HPSE2: variants seen among roughly 807,000 people sequenced by gnomAD.
The protein encoded by HPSE2 is inactive heparanase-2.
A neutral mutation model predicts 60.5 loss-of-function variants in HPSE2; 38 were observed. The ratio of observed to expected loss-of-function variants is 0.63; its 90% CI spans 0.48 to 0.82. HPSE2 has a LOEUF of 0.82. Ranked by LOEUF, HPSE2 falls within the 40% of genes least tolerant of loss-of-function variation. The pLI is 0.00. For missense variants in HPSE2, 713 were observed against 740.4 expected, an observed-to-expected ratio of 0.96 and a Z score of 0.43; for synonymous variants, 295 against 293.2, an observed-to-expected ratio of 1.01 and a Z score of -0.06.
chr10:98,459,500 C>G lies in HPSE2; in HGVS notation c.*74G>C. On this transcript the variant is annotated 3_prime_UTR_variant, in exon 12 of 12. Coordinates refer to ENST00000370552, the MANE Select transcript of HPSE2 (RefSeq NM_021828.5). ...GGCTGGTTGCTAGGATGTCTGAAAA[C>G]AGAGGATACTACTGGAGTGGAGGAG... 4 of 1,505,466 alleles carry G rather than the reference C, an allele frequency of 2.7e-6. No individual in the cohort carries two copies. The highest frequency in any genetic ancestry group is 3.7e-6 in the Non-Finnish European group (4 of 1,081,990). The allele number at this position is 1,505,466 out of a possible 1,614,324, so 93.3% of individuals were successfully genotyped here.
At chr10:99,136,841 A>C (rs11511386) in intron 3 of HPSE2, among the ~76,000 whole-genome samples, 1 of 151,984 alleles carries the variant, frequency 6.6e-6, no homozygotes, top group Non-Finnish European at 1.5e-5. Flanking sequence ...AAGACAAGGA[A>C]GCCCTCTCTA....
chr10:98,827,764 C>A (rs1273615169), intron 3 of HPSE2, among the ~76,000 whole-genome samples: 1 of 152,110 alleles, frequency 6.6e-6, no homozygotes, highest in Non-Finnish European at 1.5e-5. Context: ...GGTGGTGTCA[C>A]CAAGGCACAT....
chr10:99,047,532 C>A (rs562831837), intron 3 of HPSE2: 45 of 478,200 alleles, frequency 9.4e-5, no homozygotes, highest in Non-Finnish European at 1.5e-4. Context: ...AAAGAGACAA[C>A]CTACACGATA....
At chr10:99,098,933 AC>A (rs1325480998) in intron 3 of HPSE2, among the ~76,000 whole-genome samples, 1 of 152,248 alleles carries the variant, frequency 6.6e-6, no homozygotes, top group Admixed American at 6.5e-5. Flanking sequence ...AACAATGTTA[AC>A]ATTAAATATG....
the HPSE2 span, among the ~76,000 whole-genome samples, chr10:99,269,862 C>G: frequency 6.6e-6 from 1 of 152,146 alleles, no homozygotes; most frequent in Non-Finnish European, 1.5e-5. Context: ...AATTAAATAA[C>G]CTGCTCCTAA....
intron 3 of HPSE2, among the ~76,000 whole-genome samples, chr10:98,978,303 T>C (rs943123076): frequency 6.6e-6 from 1 of 152,172 alleles, no homozygotes; most frequent in African/African-American, 2.4e-5. Context: ...AAAAAATCCC[T>C]GTTATTTATT....
chr10:98,995,467 T>C (rs182710043), intron 3 of HPSE2, among the ~76,000 whole-genome samples: 62 of 152,310 alleles, frequency 4.1e-4, no homozygotes, highest in African/African-American at 1.4e-3. Context: ...AGGTTTGTTT[T>C]TTCAGTGTCC....
chr10:99,132,657 C>A (rs1447849234), intron 3 of HPSE2, among the ~76,000 whole-genome samples: 2 of 152,010 alleles, frequency 1.3e-5, no homozygotes, highest in Non-Finnish European at 1.5e-5. Flanking sequence ...AATTTTCTCC[C>A]CCACCCAAGG....
At chr10:98,636,585 A>G (rs578017737) in intron 7 of HPSE2, among the ~76,000 whole-genome samples, 105 of 152,306 alleles carry the variant, frequency 6.9e-4, no homozygotes, top group African/African-American at 2.2e-3. Context: ...ACGTATTGCA[A>G]TATCATTCTG....
At chr10:99,182,335 CA>C (rs1389702248) in intron 2 of HPSE2, among the ~76,000 whole-genome samples, 1 of 152,040 alleles carries the variant, frequency 6.6e-6, no homozygotes, top group Non-Finnish European at 1.5e-5. Context: ...AAACTGGGCC[CA>C]AAAAAGTCAA....
At chr10:98,548,239 A>G (rs1344940849) in intron 9 of HPSE2, among the ~76,000 whole-genome samples, 1 of 152,150 alleles carries the variant, frequency 6.6e-6, no homozygotes, top group Non-Finnish European at 1.5e-5. Context: ...CTGATGACTT[A>G]GTGAATGGTG....
intron 3 of HPSE2, among the ~76,000 whole-genome samples, chr10:98,774,952 C>G (rs1950309688): frequency 1.3e-5 from 2 of 152,152 alleles, no homozygotes; most frequent in African/African-American, 4.8e-5. Flanking sequence ...CCACAAGTGT[C>G]AAATAAAACA....
At position 98,658,553 on chromosome 10, in the gene HPSE2, C is replaced by CTT. The variant is rs58965184; in HGVS notation, c.1005-16615_1005-16614dup. The stretch of plus-strand genomic sequence containing the variant: ...TTGAAATAAAATCCAATTAATCAAT[C>CTT]TTTTTTTTTTTTAGGGTTGGTGAGC... On this transcript the variant is annotated intron_variant, in intron 6 of 11. Coordinates refer to ENST00000370552, the MANE Select transcript of HPSE2 (RefSeq NM_021828.5). Among the ~76,000 whole-genome samples the CTT allele has an allele frequency of 0.01, 1,519 of 145,528 alleles. 67 individuals are homozygous for CTT. In the East Asian group the frequency reaches 0.14, roughly 14 times the overall value.
At chr10:98,463,412 G>A (rs7068216) in intron 11 of HPSE2, among the ~76,000 whole-genome samples, 2,949 of 152,210 alleles carry the variant, frequency 0.019, 103 homozygotes, top group African/African-American at 0.066. Context: ...CAAAGATGAC[G>A]AATGAAAAAA....
chr10:98,725,920 T>C (rs1037967036), intron 4 of HPSE2, among the ~76,000 whole-genome samples: 1 of 151,996 alleles, frequency 6.6e-6, no homozygotes, highest in Non-Finnish European at 1.5e-5. Flanking sequence ...GAAATGCAAA[T>C]CAAAATCACA....
intron 3 of HPSE2, among the ~76,000 whole-genome samples, chr10:99,085,914 T>C (rs1843299895): frequency 2.6e-5 from 4 of 152,158 alleles, no homozygotes; most frequent in Non-Finnish European, 4.4e-5. Context: ...ATCTAATTCT[T>C]TGTTCAGGGT....
chr10:99,059,013 C>T lies in HPSE2; in HGVS notation c.610+85225G>A, dbSNP rs555452284. Among the ~76,000 whole-genome samples the T allele has an allele frequency of 5.3e-4, 80 of 152,324 alleles. No individual in the cohort carries two copies. In the South Asian group the frequency reaches 0.016, roughly 31 times the overall value. On this transcript the variant is annotated intron_variant, in intron 3 of 11. Coordinates refer to ENST00000370552, the MANE Select transcript of HPSE2 (RefSeq NM_021828.5). ...ACAATATGTAAATGAATGAGCATGG[C>T]TGTGTTCCAATTTATGAATACTGAA...
intron 8 of HPSE2, among the ~76,000 whole-genome samples, chr10:98,617,269 C>A (rs2133979737): frequency 6.6e-6 from 1 of 152,246 alleles, no homozygotes; most frequent in South Asian, 2.1e-4. Context: ...AAATGCTAGG[C>A]ATTGTTTTCA....
At chr10:99,137,464 G>A (rs1417828266) in intron 3 of HPSE2, among the ~76,000 whole-genome samples, 1 of 152,192 alleles carries the variant, frequency 6.6e-6, no homozygotes, top group African/African-American at 2.4e-5. Flanking sequence ...GAACAAAGCT[G>A]GAGGCATCAT....
Sources: allele counts gnomAD v4.1 joint callset (sites outside exome capture counted in the v4.1 genomes callset), GRCh38; gene constraint gnomAD v4.1.1; transcripts MANE v1.5; gene names NCBI Gene and HGNC (gene_info 2026-07-23, HGNC 2026-07-21).